Variants in VAV3 observed in about 807,000 individuals in gnomAD.
The protein encoded by VAV3 is guanine nucleotide exchange factor VAV3.
Under a neutral mutation model 131.2 loss-of-function variants are expected in VAV3, and 94 were observed. That is an observed-to-expected ratio of 0.72 (90% CI 0.61 to 0.85). The LOEUF (loss-of-function observed/expected upper bound fraction) is 0.85. Among genes scored for constraint, VAV3 ranks in the 40% least tolerant of loss-of-function variants. VAV3 has a pLI of 0.00. For synonymous variants in VAV3, 349 were observed against 342.0 expected (o/e 1.02, Z -0.22); for missense variants, 939 against 1,002.7 (o/e 0.94, Z 0.86).
chr1:107,718,920 G>A (rs1661305903), intron 15 of VAV3, among the ~76,000 whole-genome samples: 2 of 152,142 alleles, frequency 1.3e-5, no homozygotes, highest in Non-Finnish European at 2.9e-5. Flanking sequence ...ACAAACATCT[G>A]ATCTTTGACA....
chr1:107,772,203 AG>A (rs1418345611), intron 5 of VAV3, among the ~76,000 whole-genome samples: 3 of 152,240 alleles, frequency 2.0e-5, no homozygotes, highest in Admixed American at 6.5e-5. Flanking sequence ...ATAGCAGATA[AG>A]GTTTTGAGGG....
chr1:107,886,394 C>T (rs150041613), intron 1 of VAV3, among the ~76,000 whole-genome samples: 3 of 152,322 alleles, frequency 2.0e-5, no homozygotes, highest in Non-Finnish European at 2.9e-5. Context: ...CTCCATGCTA[C>T]GCAGCCTCTC....
intron 19 of VAV3, among the ~76,000 whole-genome samples, chr1:107,674,495 C>T (rs1658052662): frequency 6.6e-6 from 1 of 152,132 alleles, no homozygotes; most frequent in Non-Finnish European, 1.5e-5. Flanking sequence ...AGACCAGATC[C>T]CACTGCTAAT....
At chr1:107,759,382 C>T (rs1664292965) in intron 10 of VAV3, among the ~76,000 whole-genome samples, 1 of 152,084 alleles carries the variant, frequency 6.6e-6, no homozygotes, top group African/African-American at 2.4e-5. Flanking sequence ...TCCCAATCAC[C>T]CACTATAAAA....
chr1:107,713,283 T>A (rs909083831), intron 15 of VAV3, among the ~76,000 whole-genome samples: 1 of 152,056 alleles, frequency 6.6e-6, no homozygotes, highest in Non-Finnish European at 1.5e-5. Context: ...ACTACTTATA[T>A]AATCTTTAAA....
intron 2 of VAV3, among the ~76,000 whole-genome samples, chr1:107,848,705 T>C (rs941858023): frequency 1.3e-5 from 2 of 152,048 alleles, no homozygotes; most frequent in African/African-American, 4.8e-5. Context: ...TTCAAAGCAA[T>C]ATTGGAAGTC....
At chr1:107,642,572 C>G (rs758007343) in intron 20 of VAV3, 47 bp downstream of exon 20, 3 of 1,590,344 alleles carry the variant, frequency 1.9e-6, no homozygotes, top group South Asian at 1.1e-5. Flanking sequence ...ATTTAAGAAC[C>G]CTCTCTTGGG....
chr1:107,786,782 T>C (rs1278214612), intron 2 of VAV3, among the ~76,000 whole-genome samples: 1 of 152,192 alleles, frequency 6.6e-6, no homozygotes, highest in Non-Finnish European at 1.5e-5. Flanking sequence ...CAAAAATCTG[T>C]GTAACTAGGG....
At chr1:107,719,057 C>A (rs1308538891) in intron 15 of VAV3, among the ~76,000 whole-genome samples, 1 of 152,122 alleles carries the variant, frequency 6.6e-6, no homozygotes, top group African/African-American at 2.4e-5. Context: ...AACATTAATT[C>A]AAGATGGATT....
rs569318600 is a variant in VAV3, at chr1:107,924,832, AAG to A, written c.204+39832_204+39833del. 1.6e-4 allele frequency among the ~76,000 whole-genome samples: 25 copies of A among 152,326 alleles called. No individual in the cohort carries two copies. In the East Asian group the frequency reaches 4.4e-3, roughly 27 times the overall value. The stretch of plus-strand genomic sequence containing the variant: ...AAACATAGAACAACACAACGATATT[AAG>A]AATATTTAGGGAAACTCTGGCAAAT... On this transcript the variant is annotated intron_variant, in intron 1 of 26. Coordinates refer to ENST00000370056, the MANE Select transcript of VAV3 (RefSeq NM_006113.5).
chr1:107,578,378 T>C (rs896080364), intron 25 of VAV3, among the ~76,000 whole-genome samples: 3 of 152,246 alleles, frequency 2.0e-5, no homozygotes, highest in African/African-American at 7.2e-5. Context: ...CAAATCATTT[T>C]CAGCCATGCA....
intron 15 of VAV3, among the ~76,000 whole-genome samples, chr1:107,721,881 G>A (rs921975100): frequency 6.6e-6 from 1 of 152,196 alleles, no homozygotes; most frequent in Non-Finnish European, 1.5e-5. Flanking sequence ...ACAATATGGG[G>A]TGACAGTAGT....
intron 4 of VAV3, among the ~76,000 whole-genome samples, chr1:107,776,379 C>T (rs1665358146): frequency 6.6e-6 from 1 of 152,146 alleles, no homozygotes; most frequent in Non-Finnish European, 1.5e-5. Flanking sequence ...CAGGCATTGG[C>T]AAATGCTGTA....
intron 1 of VAV3, among the ~76,000 whole-genome samples, chr1:107,909,378 T>C (rs945678121): frequency 2.6e-5 from 4 of 152,186 alleles, no homozygotes; most frequent in African/African-American, 9.6e-5. Flanking sequence ...CAATAGACTT[T>C]ATAATAGCAG....
intron 2 of VAV3, among the ~76,000 whole-genome samples, chr1:107,801,901 G>A (rs946532514): frequency 6.6e-6 from 1 of 151,726 alleles, no homozygotes; most frequent in African/African-American, 2.4e-5. Flanking sequence ...CCTTTTTTTG[G>A]TATGTGCCTC....
chr1:107,604,393 T>G (rs1652104121), intron 22 of VAV3, among the ~76,000 whole-genome samples: 1 of 152,106 alleles, frequency 6.6e-6, no homozygotes, highest in African/African-American at 2.4e-5. Context: ...GTACCTTGCG[T>G]TAAAAGAAAA....
intron 1 of VAV3, among the ~76,000 whole-genome samples, chr1:107,908,855 AC>A (rs1672234030): frequency 6.7e-6 from 1 of 149,988 alleles, no homozygotes; most frequent in Non-Finnish European, 1.5e-5. Context: ...ACACACACAC[AC>A]ACACACACAC....
In VAV3 at chr1:107,755,883, G is replaced by C. The variant is rs550735830; in HGVS notation, c.1087-370C>G. Among the ~76,000 whole-genome samples the C allele has an allele frequency of 2.6e-5, 4 of 152,306 alleles. No individual in the cohort carries two copies. The South Asian group carries it at 8.3e-4, about 32-fold the overall frequency. On this transcript the variant is annotated intron_variant, in intron 11 of 26. Transcript: ENST00000370056. Reference sequence around the variant, plus strand: ...TTGAGAGCATGATATTTTTACACAGGTTAGAAGAAGGGCAATCATGAACGA... The same window carrying C: ...TTGAGAGCATGATATTTTTACACAGCTTAGAAGAAGGGCAATCATGAACGA...
At chr1:107,904,853 T>C (rs1198897653) in intron 1 of VAV3, among the ~76,000 whole-genome samples, 2 of 152,196 alleles carry the variant, frequency 1.3e-5, no homozygotes, top group Non-Finnish European at 2.9e-5. Context: ...TTATATTCAA[T>C]ATTGATAAAT....
Sources: gnomAD v4.1 joint callset for allele counts (sites outside exome capture counted in the v4.1 genomes callset) on GRCh38, gnomAD v4.1.1 for gene constraint, MANE v1.5 for transcripts, NCBI Gene and HGNC (gene_info 2026-07-23, HGNC 2026-07-21) for gene names.